The following PCBP3 variants were observed in gnomAD, a reference collection of about 807,000 sequenced individuals.
PCBP3 encodes the protein poly(rC)-binding protein 3.
Under a neutral mutation model 52.7 loss-of-function variants are expected in PCBP3, and 25 were observed. That is an observed-to-expected ratio of 0.47 (90% CI 0.35 to 0.66). The LOEUF (loss-of-function observed/expected upper bound fraction) is 0.66, where lower values mean the gene tolerates loss of function less well. Among genes scored for constraint, PCBP3 ranks in the 30% least tolerant of loss-of-function variants. The pLI is 0.01. For missense variants in PCBP3, 391 were observed against 490.3 expected (o/e 0.80, Z 1.91); for synonymous variants, 162 against 183.0 (o/e 0.89, Z 0.93).
In PCBP3 at chr21:45,767,359, C is replaced by T. The variant is rs2089441702; in HGVS notation, c.-126+11907C>T. 2.0e-5 allele frequency among the ~76,000 whole-genome samples: 3 copies of T among 152,198 alleles called. No individual in the cohort carries two copies. The South Asian group carries it at 6.2e-4, about 32-fold the overall frequency. ...TGTTTTTGAGGTTTATCTGCATCAT[C>T]GTAGCATGTGTCAGAATTTCATTCC... On this transcript the variant is annotated intron_variant, in intron 4 of 17. Transcript: ENST00000681687.
chr21:45,844,622 C>A (rs2093767394), intron 4 of PCBP3, among the ~76,000 whole-genome samples: 1 of 152,038 alleles, frequency 6.6e-6, no homozygotes, highest in Admixed American at 6.5e-5. Context: ...CGGCATGGTT[C>A]CACGCGCACC....
intron 4 of PCBP3, among the ~76,000 whole-genome samples, chr21:45,810,216 T>TTGTGTG (rs1001919830): frequency 1.4e-5 from 1 of 73,698 alleles, no homozygotes; most frequent in South Asian, 4.8e-4. Flanking sequence ...CGTGATTCGA[T>TTGTGTG]TCTGTGTGTG....
intron 15 of PCBP3, among the ~76,000 whole-genome samples, chr21:45,933,142 T>C (rs903673298): frequency 1.3e-5 from 2 of 151,136 alleles, no homozygotes; most frequent in Non-Finnish European, 2.9e-5. Context: ...TTGGCCATGC[T>C]GTCTTGAGAT....
At chr21:45,674,630 T>C (rs1382294990) in intron 2 of PCBP3, among the ~76,000 whole-genome samples, 1 of 152,186 alleles carries the variant, frequency 6.6e-6, no homozygotes, top group Non-Finnish European at 1.5e-5. Context: ...ATTGATAAAC[T>C]TGAGGTAGCC....
At chr21:45,707,915 T>C (rs540487571) in intron 2 of PCBP3, among the ~76,000 whole-genome samples, 2 of 152,344 alleles carry the variant, frequency 1.3e-5, no homozygotes, top group South Asian at 4.1e-4. Context: ...TGACTGCACA[T>C]GTAGCCCCAG....
chr21:45,801,758 T>C (rs1009374642), intron 4 of PCBP3, among the ~76,000 whole-genome samples: 5 of 152,390 alleles, frequency 3.3e-5, no homozygotes, highest in African/African-American at 9.6e-5. Context: ...TCAGATCCTG[T>C]CACTGCATTT....
chr21:45,670,637 C>A, intron 2 of PCBP3, among the ~76,000 whole-genome samples: 1 of 152,184 alleles, frequency 6.6e-6, no homozygotes, highest in Non-Finnish European at 1.5e-5. Flanking sequence ...TGACTTGCTT[C>A]TGAGGACTTA....
In PCBP3 at chr21:45,805,418, G is replaced by A. The variant is rs150560687; in HGVS notation, c.-125-44543G>A. Among the ~76,000 whole-genome samples the A allele has an allele frequency of 9.9e-5, 15 of 152,162 alleles. No individual in the cohort carries two copies. In the East Asian group the frequency reaches 2.7e-3, roughly 28 times the overall value. On this transcript the variant is annotated intron_variant, in intron 4 of 17. Transcript: ENST00000681687. The surrounding 1 kb of genome is among the most constrained non-coding windows in gnomAD (Gnocchi z 4.6). ...ACCTGCCCTGTGTGCTGGGCCGTGC[G>A]GAGGTGGCCATGGGCAGCCCTTCCT... is the stretch of plus-strand genomic sequence containing the variant.
At chr21:45,774,409 A>T (rs2090107241) in intron 4 of PCBP3, among the ~76,000 whole-genome samples, 1 of 151,988 alleles carries the variant, frequency 6.6e-6, no homozygotes, top group African/African-American at 2.4e-5. Context: ...AAAAGAAAAA[A>T]AAGTCTTTTT....
chr21:45,669,632 G>T (rs1429283312), intron 2 of PCBP3, among the ~76,000 whole-genome samples: 2 of 151,488 alleles, frequency 1.3e-5, no homozygotes, highest in Non-Finnish European at 2.9e-5. Context: ...CTGTTTCTAT[G>T]AATTTGACTA....
intron 5 of PCBP3, among the ~76,000 whole-genome samples, chr21:45,892,475 G>T (rs145298077): frequency 9.2e-5 from 13 of 141,838 alleles, no homozygotes; most frequent in South Asian, 4.4e-4. Flanking sequence ...GGGCGTGGGG[G>T]GGGGGGCGGT....
rs1680546388 is a variant in PCBP3 at position 45,791,286 on chromosome 21, G to A, written c.-126+35834G>A. Among the ~76,000 whole-genome samples the A allele has an allele frequency of 6.6e-6, 1 of 152,174 alleles. No homozygotes were observed. The highest frequency in any genetic ancestry group is 6.5e-5 in the Admixed American group (1 of 15,274). On this transcript the variant is annotated intron_variant, in intron 4 of 17. Transcript: ENST00000681687. This position sits in a 1 kb window ranked among gnomAD's most constrained non-coding sequence, Gnocchi z 4.2. ...ATATGGGTCAGTGTAAGGTTTGTGC[G>A]GTAGAATTTGGAAGGCTGGGAGCAT...
At chr21:45,782,574 T>G (rs1455903457) in intron 4 of PCBP3, among the ~76,000 whole-genome samples, 2 of 152,176 alleles carry the variant, frequency 1.3e-5, no homozygotes, top group Non-Finnish European at 2.9e-5. Context: ...TGGTCAAATG[T>G]CATGTAATGA....
At chr21:45,794,394 T>C (rs1037733044) in intron 4 of PCBP3, among the ~76,000 whole-genome samples, 3 of 151,200 alleles carry the variant, frequency 2.0e-5, no homozygotes, top group Non-Finnish European at 4.4e-5. Context: ...CCAGCCCAGG[T>C]GACAGAATGA....
chr21:45,744,881 T>A (rs969232193), intron 3 of PCBP3, among the ~76,000 whole-genome samples: 1 of 152,234 alleles, frequency 6.6e-6, no homozygotes, highest in African/African-American at 2.4e-5. Context: ...CTAGGAGGAC[T>A]ATTCTTTTGT....
At chr21:45,675,936 G>A (rs115492795) in intron 2 of PCBP3, among the ~76,000 whole-genome samples, 16 of 152,266 alleles carry the variant, frequency 1.1e-4, no homozygotes, top group African/African-American at 3.4e-4. Context: ...TGATGAAGTC[G>A]TAGGAATGAT....
chr21:45,819,160 G>C (rs898872880), intron 4 of PCBP3, among the ~76,000 whole-genome samples: 1 of 152,156 alleles, frequency 6.6e-6, no homozygotes, highest in Non-Finnish European at 1.5e-5. Flanking sequence ...CTGGACCTGG[G>C]GGGTGGTGAT....
intron 2 of PCBP3, among the ~76,000 whole-genome samples, chr21:45,691,726 G>T (rs372298120): frequency 6.6e-6 from 1 of 152,066 alleles, no homozygotes; most frequent in African/African-American, 2.4e-5. Flanking sequence ...AAATAAGCCA[G>T]TAATTCCAAA....
At chr21:45,863,896 G>A (rs1197347074) in intron 5 of PCBP3, among the ~76,000 whole-genome samples, 7 of 152,150 alleles carry the variant, frequency 4.6e-5, no homozygotes, top group African/African-American at 7.2e-5. Context: ...TAGAGGAACC[G>A]CATAGCCGTG....
Sources: gnomAD v4.1 joint callset for allele counts (sites outside exome capture counted in the v4.1 genomes callset) on GRCh38, gnomAD v4.1.1 for gene constraint, Gnocchi (gnomAD v3.1) non-coding constraint, MANE v1.5 for transcripts, NCBI Gene and HGNC (gene_info 2026-07-23, HGNC 2026-07-21) for gene names.